Variants in ZNF331 observed in about 807,000 individuals in gnomAD.
The protein encoded by ZNF331 is zinc finger protein 331, also known as C2H2-like zinc finger protein rearranged in thyroid adenomas.
In ZNF331, 2 loss-of-function variants were observed where a neutral mutation model predicts 7.0. The ratio of observed to expected loss-of-function variants is 0.29; its 90% CI spans 0.12 to 0.90. The LOEUF (loss-of-function observed/expected upper bound fraction) is 0.90, where lower values mean the gene tolerates loss of function less well. ZNF331 is among the 40% of genes least tolerant of loss of function. ZNF331 has a pLI of 0.58. For missense variants in ZNF331, 432 were observed against 587.7 expected, an observed-to-expected ratio of 0.74 and a Z score of 2.74; for synonymous variants, 196 against 205.4, an observed-to-expected ratio of 0.95 and a Z score of 0.39.
In ZNF331 at chr19:53,580,109, A is replaced by G. The variant is rs955031040; in HGVS notation, c.*2157A>G. 1 of 211,256 alleles carries G rather than the reference A, an allele frequency of 4.7e-6. No homozygotes were observed. Among genetic ancestry groups the G allele is most frequent in the African/African-American group, 2.3e-5 (1 of 44,120 alleles). The allele number at this position is 211,256 out of a possible 1,614,324, so 13.1% of individuals were successfully genotyped here. On this transcript the variant is annotated 3_prime_UTR_variant, in exon 6 of 6. Transcript: ENST00000449416. ...CAAGGCTGATTTCAGATGTCTCACCACAAAGAAGGAGGATAAGGGAGCGAG... is the reference window on the plus strand; with the variant it reads ...CAAGGCTGATTTCAGATGTCTCACCGCAAAGAAGGAGGATAAGGGAGCGAG...
At chr19:53,538,996 G>T (rs78595337) in intron 1 of ZNF331, 11,142 of 152,146 alleles carry the variant, frequency 0.073, 538 homozygotes, top group Non-Finnish European at 0.11. Context: ...CAGGCCACCT[G>T]AGTGACAGGG....
At chr19:53,542,785 T>C (rs1408260636) in intron 2 of ZNF331, among the ~76,000 whole-genome samples, 2 of 152,210 alleles carry the variant, frequency 1.3e-5, no homozygotes, top group African/African-American at 4.8e-5. Flanking sequence ...TAATATTGAT[T>C]ACGCAGACAG....
At chr19:53,538,432 G>C (rs866860720) in intron 1 of ZNF331, 136 bp downstream of exon 1, 12 of 152,324 alleles carry the variant, frequency 7.9e-5, no homozygotes, top group African/African-American at 2.9e-4. Context: ...GAGGCTTTGG[G>C]TCAACGCAGC....
Position 53,571,605 on chromosome 19 carries a change from G to A in ZNF331, c.11G>A (p.Gly4Asp), listed in dbSNP as rs1246230912. 4.3e-6 allele frequency: 7 copies of A among 1,613,614 alleles called. No individual in the cohort carries two copies. The African/African-American group carries it at 5.3e-5, about 12-fold the overall frequency. Reference sequence around the variant, plus strand: ...TGCACGTGTGGGTTTCTGTTTCAGGGTTTGGTGACGTTCGCCGACGTAGCC... The same window carrying A: ...TGCACGTGTGGGTTTCTGTTTCAGGATTTGGTGACGTTCGCCGACGTAGCC... The part of the protein sequence containing the change: MAQ[G>D]LVTFADVAID... The change falls in exon 5 of 6, where the codon GGT becomes GAT. Residue 4 changes from glycine (G) to aspartate (D), a missense_variant and splice_region_variant. Coordinates refer to ENST00000449416, the MANE Select transcript of ZNF331 (RefSeq NM_001079906.2). This position sits in a 1 kb window ranked among gnomAD's most constrained non-coding sequence, Gnocchi z 4.7.
intron 5 of ZNF331, among the ~76,000 whole-genome samples, chr19:53,574,514 G>A (rs2090609975): frequency 6.8e-6 from 1 of 147,128 alleles, no homozygotes; most frequent in South Asian, 2.2e-4. Context: ...TGTGCTGCTG[G>A]TGCTGCTGGT....
chr19:53,544,000 G>A (rs554702090), intron 2 of ZNF331, among the ~76,000 whole-genome samples: 9 of 152,154 alleles, frequency 5.9e-5, no homozygotes, highest in African/African-American at 2.2e-4. Flanking sequence ...AGGTCGAGGT[G>A]GGCAGATCAC....
At chr19:53,509,227 C>T in the ZNF331 span, among the ~76,000 whole-genome samples, 1 of 152,186 alleles carries the variant, frequency 6.6e-6, no homozygotes, top group Non-Finnish European at 1.5e-5. Context: ...TGCCCTCCTT[C>T]CTCTGTGAGC....
At chr19:53,545,493 G>A (rs1013594208) in intron 2 of ZNF331, among the ~76,000 whole-genome samples, 1 of 152,194 alleles carries the variant, frequency 6.6e-6, no homozygotes, top group Admixed American at 6.5e-5. Context: ...TCTGAGAACA[G>A]CCGTGGCTCG....
chr19:53,526,615 C>T (rs2087305424), intron 2 of ZNF331, among the ~76,000 whole-genome samples: 1 of 150,918 alleles, frequency 6.6e-6, no homozygotes, highest in Admixed American at 6.6e-5. Flanking sequence ...TGCAGTGGTG[C>T]GATCTTGGCT....
At chr19:53,566,253 C>A (rs1373134544) in intron 3 of ZNF331, among the ~76,000 whole-genome samples, 1 of 152,124 alleles carries the variant, frequency 6.6e-6, no homozygotes, top group Non-Finnish European at 1.5e-5. Context: ...ATGTTATCGA[C>A]CAGGGAAGCT....
rs984701225 is a variant in ZNF331 at position 53,575,674 on chromosome 19, GTTTTTGT to G, written c.137-1003_137-997del. Among the ~76,000 whole-genome samples the G allele has an allele frequency of 6.0e-5, 9 of 149,502 alleles. No homozygotes were observed. In the East Asian group the frequency reaches 9.9e-4, roughly 16 times the overall value. On this transcript the variant is annotated intron_variant, in intron 5 of 5. Transcript: ENST00000449416. ...TTTTTAGTACAGACAGGGTTTGTTT[GTTTTTGT>G]TTTTTGTTTTTTGTTTTTTTGATAT...
rs1372167459 is a variant in ZNF331 at position 53,577,990 on chromosome 19, G to T, written c.*38G>T. The T allele has an allele frequency of 1.2e-5, 18 of 1,558,516 alleles. No homozygotes were observed. The highest frequency in any genetic ancestry group is 1.9e-5 in the Admixed American group (1 of 51,620). ...ACGCAGTAGCCCGCTCGTATCTATG[G>T]TTTCGCTTTCCACAGTTTGTTACCT... is the stretch of plus-strand genomic sequence containing the variant. On this transcript the variant is annotated 3_prime_UTR_variant, in exon 6 of 6. Transcript: ENST00000449416.
chr19:53,507,639 C>A, the ZNF331 span, among the ~76,000 whole-genome samples: 3 of 152,192 alleles, frequency 2.0e-5, no homozygotes, highest in African/African-American at 7.2e-5. Context: ...GTGGCCACAG[C>A]AGAGGCTGTT....
At chr19:53,546,841 G>A (rs1291216923) in intron 2 of ZNF331, among the ~76,000 whole-genome samples, 1 of 152,126 alleles carries the variant, frequency 6.6e-6, no homozygotes, top group Admixed American at 6.6e-5. Flanking sequence ...TATTCACTTG[G>A]ACTTCTTTGG....
chr19:53,515,934 T>C (rs1279870526), upstream of ZNF331, among the ~76,000 whole-genome samples: 1 of 152,230 alleles, frequency 6.6e-6, no homozygotes, highest in Non-Finnish European at 1.5e-5. Context: ...GAAAATGTGA[T>C]ATATACACAT....
At chr19:53,563,567 C>T (rs572678545) in intron 3 of ZNF331, among the ~76,000 whole-genome samples, 182 of 151,420 alleles carry the variant, frequency 1.2e-3, no homozygotes, top group Admixed American at 5.3e-3. Context: ...TGGCAACTGG[C>T]TTGAGAAATA....
intron 1 of ZNF331, chr19:53,522,098 G>A (rs2147226169): frequency 6.6e-6 from 1 of 152,280 alleles, no homozygotes; most frequent in Non-Finnish European, 1.5e-5. Context: ...CCTGACATGG[G>A]AGGCGGGGAG....
chr19:53,556,494 T>A (rs1490211985), intron 3 of ZNF331, among the ~76,000 whole-genome samples: 2 of 133,602 alleles, frequency 1.5e-5, no homozygotes, highest in Non-Finnish European at 3.1e-5. Context: ...TTTTTTTTAA[T>A]TTTTTTTTTT....
chr19:53,562,620 G>A (rs1340914396), intron 3 of ZNF331, among the ~76,000 whole-genome samples: 1 of 151,822 alleles, frequency 6.6e-6, no homozygotes, highest in African/African-American at 2.4e-5. Context: ...AACCTGGGAG[G>A]TTGAGGTTGC....
Sources: allele counts gnomAD v4.1 joint callset (sites outside exome capture counted in the v4.1 genomes callset), GRCh38; gene constraint gnomAD v4.1.1; non-coding constraint Gnocchi (gnomAD v3.1); transcripts MANE v1.5; gene names NCBI Gene and HGNC (gene_info 2026-07-23, HGNC 2026-07-21).